DEPDC7: variants seen among roughly 807,000 people sequenced by gnomAD.
DEPDC7 encodes the protein DEP domain containing 7.
Under a neutral mutation model 56.6 loss-of-function variants are expected in DEPDC7, and 41 were observed. The observed-to-expected ratio is 0.72, with a 90% CI of 0.56 to 0.94. The LOEUF (loss-of-function observed/expected upper bound fraction) is 0.94. Among genes scored for constraint, DEPDC7 ranks in the 40% least tolerant of loss-of-function variants. The probability of loss-of-function intolerance (pLI) is 0.00; values close to 1 mark genes in which losing one functional copy is unlikely to be tolerated. For missense variants in DEPDC7, 522 were observed against 596.3 expected, an observed-to-expected ratio of 0.88 and a Z score of 1.30; for synonymous variants, 185 against 208.8, an observed-to-expected ratio of 0.89 and a Z score of 0.98.
chr11:33,029,387 G>A (rs1434689260), intron 4 of DEPDC7, among the ~76,000 whole-genome samples: 1 of 151,172 alleles, frequency 6.6e-6, no homozygotes, highest in African/African-American at 2.4e-5. Context: ...AGCTACTTGG[G>A]AGGCTGAGGC....
chr11:33,031,078 G>C (rs1853628298), intron 4 of DEPDC7, among the ~76,000 whole-genome samples: 1 of 152,220 alleles, frequency 6.6e-6, no homozygotes, highest in South Asian at 2.1e-4. Context: ...CATCGTAAAT[G>C]TGAAGAGCAA....
intron 3 of DEPDC7, 22 bp downstream of exon 3, chr11:33,027,835 G>A: frequency 6.6e-7 from 1 of 1,508,322 alleles, no homozygotes; most frequent in Non-Finnish European, 8.8e-7. Context: ...ATGAAGCAAA[G>A]TAAGAAGTAG....
intron 1 of DEPDC7, among the ~76,000 whole-genome samples, chr11:33,024,592 G>A (rs531470866): frequency 6.6e-6 from 1 of 152,324 alleles, no homozygotes; most frequent in African/African-American, 2.4e-5. Context: ...GCTATGTGGT[G>A]TAGCCTGTTG....
intron 1 of DEPDC7, among the ~76,000 whole-genome samples, chr11:33,018,724 A>G (rs1450249996): frequency 5.3e-5 from 8 of 152,212 alleles, no homozygotes; most frequent in African/African-American, 1.9e-4. Flanking sequence ...TAATGAACCA[A>G]TATTGATACA....
Position 33,025,890 on chromosome 11 carries a change from T to C in DEPDC7, c.305T>C (p.Leu102Pro), listed in dbSNP as rs1235920314. The change falls in exon 2 of 9, where the codon CTT becomes CCT. Residue 102 changes from leucine (L) to proline (P), a missense_variant. Physicochemically the swap from Leu to Pro is moderately conservative, Grantham distance 98. Coordinates refer to ENST00000241051, the MANE Select transcript of DEPDC7 (RefSeq NM_001077242.2). ...AAAGTGGTGAGAGTGTGTCAAGCGC[T>C]TATGGACTACAAAGTATTTGAAGCA... ...RAKVVRVCQA[L>P]MDYKVFEAVP... 1 of 1,614,198 alleles carries C rather than the reference T, an allele frequency of 6.2e-7. No individual in the cohort carries two copies. Among genetic ancestry groups the C allele is most frequent in the Non-Finnish European group, 8.5e-7 (1 of 1,180,030 alleles).
chr11:33,015,960 C>T lies in DEPDC7; in HGVS notation c.5C>T (p.Ala2Val). The change falls in exon 1 of 9, where the codon GCC (alanine) becomes GTC (valine). Residue 2 changes from alanine to valine, a missense_variant. Ala to Val is a moderately conservative substitution (Grantham distance 64). Transcript: ENST00000241051. M[A>V]TVQEKAAALN... ...GGCGTCCGGGGAGCAAGGGCCATGG[C>T]CACCGTGCAGGAGAAGGCTGCTGCG... The T allele has an allele frequency of 1.3e-6, 2 of 1,576,298 alleles. No homozygotes were observed. Among genetic ancestry groups the T allele is most frequent in the Non-Finnish European group, 1.7e-6 (2 of 1,161,836 alleles).
At chr11:33,028,476 G>A (rs1313062321) in intron 3 of DEPDC7, 127 bp from the exon 4 acceptor site, 8 of 682,708 alleles carry the variant, frequency 1.2e-5, no homozygotes, top group South Asian at 2.7e-5. Context: ...AAAGCACTTC[G>A]TAAGGTTGAC....
At chr11:33,016,531 C>T (rs747313449) in intron 1 of DEPDC7, 1 of 1,614,008 alleles carries the variant, frequency 6.2e-7, no homozygotes, top group Non-Finnish European at 8.5e-7. Context: ...CAGACTCTTC[C>T]TGGGAGGGAT....
intron 1 of DEPDC7, among the ~76,000 whole-genome samples, chr11:33,019,738 G>T (rs1590206418): frequency 6.6e-6 from 1 of 152,130 alleles, no homozygotes; most frequent in South Asian, 2.1e-4. Context: ...CTAACCAATT[G>T]TATTATATTG....
chr11:33,026,114 T>C (rs1214939860), intron 2 of DEPDC7, 65 bp downstream of exon 2: 11 of 1,549,660 alleles, frequency 7.1e-6, no homozygotes, highest in Non-Finnish European at 8.9e-6. Context: ...TTTTATGAGA[T>C]GCCTACTGGC....
At chr11:33,022,067 T>C (rs550524595) in intron 1 of DEPDC7, among the ~76,000 whole-genome samples, 9 of 152,362 alleles carry the variant, frequency 5.9e-5, no homozygotes, top group Admixed American at 2.0e-4. Context: ...TTATGACTTA[T>C]GTGTTTCATC....
chr11:33,032,979 A>G lies in DEPDC7; in HGVS notation c.1342+12A>G. Reference sequence around the variant, plus strand: ...AAATAGAGATGCAGGTAATCTGAGAAATATTATTTTCATGATCTTCCAAAG... The same window carrying G: ...AAATAGAGATGCAGGTAATCTGAGAGATATTATTTTCATGATCTTCCAAAG... On this transcript the variant is annotated intron_variant, in intron 8 of 8. Transcript: ENST00000241051. The G allele has an allele frequency of 5.2e-6, 8 of 1,551,394 alleles. No homozygotes were observed. Among genetic ancestry groups the G allele is most frequent in the Non-Finnish European group, 7.0e-6 (8 of 1,141,566 alleles).
chr11:33,016,629 G>C (rs368000196), intron 1 of DEPDC7: 19 of 1,598,424 alleles, frequency 1.2e-5, no homozygotes, highest in Non-Finnish European at 1.5e-5. Flanking sequence ...TTAGTGAATA[G>C]AAGTTTTTGG....
At chr11:33,018,245 C>A (rs1288783530) in intron 1 of DEPDC7, among the ~76,000 whole-genome samples, 1 of 152,208 alleles carries the variant, frequency 6.6e-6, no homozygotes, top group Non-Finnish European at 1.5e-5. Context: ...TCAGTCACAA[C>A]TGTCAAGTTT....
At chr11:33,016,087 G>T (rs1421259252) in intron 1 of DEPDC7, 59 bp downstream of exon 1, 1 of 1,315,672 alleles carries the variant, frequency 7.6e-7, no homozygotes, top group Admixed American at 4.0e-5. Context: ...GCGCGGGCTG[G>T]GTCCCGGCGC....
chr11:33,021,359 T>G (rs1347703827), intron 1 of DEPDC7, among the ~76,000 whole-genome samples: 1 of 152,152 alleles, frequency 6.6e-6, no homozygotes, highest in Non-Finnish European at 1.5e-5. Flanking sequence ...AAAGTGAGGT[T>G]TGAGGACAAG....
intron 2 of DEPDC7, among the ~76,000 whole-genome samples, chr11:33,027,302 T>A (rs1280527118): frequency 1.3e-5 from 2 of 152,180 alleles, no homozygotes; most frequent in African/African-American, 4.8e-5. Flanking sequence ...GCTTTTTGGG[T>A]TTCAGAATTG....
intron 1 of DEPDC7, among the ~76,000 whole-genome samples, chr11:33,019,501 A>T (rs1853501154): frequency 1.3e-5 from 2 of 152,118 alleles, no homozygotes; most frequent in African/African-American, 4.8e-5. Context: ...CCCCATTTCT[A>T]CTAAAAATCC....
At chr11:33,030,452 C>CGATAGATAGGTA (rs1554938768) in intron 4 of DEPDC7, among the ~76,000 whole-genome samples, 2 of 150,744 alleles carry the variant, frequency 1.3e-5, no homozygotes, top group African/African-American at 4.9e-5. Context: ...TGCTTTTTAA[C>CGATAGATAGGTA]GATAGATAGA....
Sources: allele counts gnomAD v4.1 joint callset (sites outside exome capture counted in the v4.1 genomes callset), GRCh38; gene constraint gnomAD v4.1.1; transcripts MANE v1.5; gene names NCBI Gene and HGNC (gene_info 2026-07-23, HGNC 2026-07-21).